Variants in PIN4 observed in about 807,000 individuals in gnomAD.
PIN4 encodes the protein peptidyl-prolyl cis-trans isomerase NIMA-interacting 4.
In PIN4, 3 loss-of-function variants were observed where a neutral mutation model predicts 8.3. The observed-to-expected ratio is 0.36, with a 90% CI of 0.16 to 0.93. The LOEUF (loss-of-function observed/expected upper bound fraction) is 0.93. Ranked by LOEUF, PIN4 falls within the 40% of genes least tolerant of loss-of-function variation. The probability of loss-of-function intolerance (pLI) is 0.44; values close to 1 mark genes in which losing one functional copy is unlikely to be tolerated. For missense variants in PIN4, 75 were observed against 100.6 expected, an observed-to-expected ratio of 0.75 and a Z score of 1.09; for synonymous variants, 18 against 32.5, an observed-to-expected ratio of 0.55 and a Z score of 1.52.
chrX:72,186,747 C>T (rs1349524418), intron 2 of PIN4, among the ~76,000 whole-genome samples: 1 of 110,924 alleles, frequency 9.0e-6, no homozygotes, highest in Non-Finnish European at 1.9e-5. Context: ...TGGTGAAACC[C>T]TGTCTCTACT....
At chrX:72,182,168 A>G (rs1234152743) in intron 1 of PIN4, among the ~76,000 whole-genome samples, 2 of 112,771 alleles carry the variant, frequency 1.8e-5, no homozygotes, top group Non-Finnish European at 3.7e-5. Flanking sequence ...ACAGAATGAC[A>G]TGCCCACCAT....
intron 3 of PIN4, among the ~76,000 whole-genome samples, chrX:72,209,478 A>G (rs980727030): frequency 1.6e-4 from 18 of 112,188 alleles, no homozygotes; most frequent in African/African-American, 5.8e-4. Flanking sequence ...TAGCCACCCA[A>G]ACTTCAAATC....
intron 1 of PIN4, 175 bp from the exon 2 acceptor site, chrX:72,186,286 T>C (rs926239586): frequency 5.9e-6 from 3 of 505,490 alleles, no homozygotes; most frequent in Non-Finnish European, 1.1e-5. Flanking sequence ...AGATAATTCT[T>C]CCATTGTGGC....
At chrX:72,245,436 C>T (rs2043064491) in intron 3 of PIN4, among the ~76,000 whole-genome samples, 1 of 111,890 alleles carries the variant, frequency 8.9e-6, no homozygotes, top group East Asian at 2.8e-4. Context: ...TCTCAAAGTG[C>T]TAGGATTACA....
intron 3 of PIN4, chrX:72,205,261 G>C: frequency 8.3e-7 from 1 of 1,211,875 alleles, no homozygotes; most frequent in Non-Finnish European, 1.1e-6. Context: ...GGTCTCTTGA[G>C]CTAGAGCACT....
At chrX:72,193,355 G>T (rs1602429383) in intron 2 of PIN4, among the ~76,000 whole-genome samples, 1 of 109,708 alleles carries the variant, frequency 9.1e-6, no homozygotes, top group Admixed American at 9.8e-5. Context: ...GCCTCAGGCA[G>T]GTCCTTCAGG....
intron 3 of PIN4, among the ~76,000 whole-genome samples, chrX:72,218,290 T>C (rs1322366291): frequency 1.9e-5 from 2 of 106,188 alleles, no homozygotes; most frequent in Non-Finnish European, 3.9e-5. Context: ...AAAAAATTAA[T>C]AATAGAGATG....
At chrX:72,202,307 A>G (rs1357605785), downstream of PIN4, among the ~76,000 whole-genome samples, 1 of 112,581 alleles carries the variant, frequency 8.9e-6, no homozygotes, top group Non-Finnish European at 1.9e-5. Flanking sequence ...TTCCCCAAAC[A>G]ACAGAATTTG....
At chrX:72,252,831 A>C (rs756004851) in intron 3 of PIN4, among the ~76,000 whole-genome samples, 2 of 112,073 alleles carry the variant, frequency 1.8e-5, no homozygotes, top group South Asian at 3.8e-4. Flanking sequence ...GCAGGGACAC[A>C]ACGCATGGTT....
At chrX:72,212,674 C>T (rs778194255) in intron 3 of PIN4, among the ~76,000 whole-genome samples, 3 of 112,264 alleles carry the variant, frequency 2.7e-5, no homozygotes, top group Non-Finnish European at 5.6e-5. Flanking sequence ...GGAGCGGTGG[C>T]TTGAGCCTCT....
At chrX:72,209,617 A>G (rs2042840909) in intron 3 of PIN4, among the ~76,000 whole-genome samples, 1 of 110,889 alleles carries the variant, frequency 9.0e-6, no homozygotes, top group Admixed American at 9.6e-5. Flanking sequence ...CCTTCTTTCC[A>G]TCTCTACTAC....
At chrX:72,244,033 A>C (rs971847876) in intron 3 of PIN4, among the ~76,000 whole-genome samples, 2 of 112,472 alleles carry the variant, frequency 1.8e-5, no homozygotes, top group African/African-American at 6.5e-5. Flanking sequence ...TGACAGGTGA[A>C]GAAAAGGATT....
At chrX:72,197,332 G>C in intron 3 of PIN4, 36 bp from the exon 4 acceptor site, 1 of 1,170,641 alleles carries the variant, frequency 8.5e-7, no homozygotes, top group Non-Finnish European at 1.2e-6. Flanking sequence ...CCCTCTTCTG[G>C]GCCACTTGAT....
intron 3 of PIN4, among the ~76,000 whole-genome samples, chrX:72,217,039 G>A (rs1282604931): frequency 1.8e-5 from 2 of 112,302 alleles, no homozygotes; most frequent in African/African-American, 6.5e-5. Flanking sequence ...CAGAAAAAAG[G>A]ATAATTTTGG....
chrX:72,224,918 C>A (rs2042945937), intron 3 of PIN4, among the ~76,000 whole-genome samples: 1 of 111,267 alleles, frequency 9.0e-6, no homozygotes. Context: ...TAATGGATTA[C>A]AGGGACTCAA....
intron 3 of PIN4, among the ~76,000 whole-genome samples, chrX:72,244,937 G>A (rs1334438044): frequency 1.9e-5 from 2 of 106,287 alleles, no homozygotes; most frequent in Non-Finnish European, 3.9e-5. Flanking sequence ...AGCTGTGTGT[G>A]GTGGTGTGTG....
intron 2 of PIN4, 35 bp from the exon 3 acceptor site, chrX:72,196,750 T>C (rs755030769): frequency 4.5e-5 from 53 of 1,175,062 alleles, no homozygotes; most frequent in Non-Finnish European, 5.9e-5. Flanking sequence ...CATTTGGGTC[T>C]CCAAGTATTA....
chrX:72,195,608 T>C (rs181159520), intron 2 of PIN4, among the ~76,000 whole-genome samples: 2,926 of 110,325 alleles, frequency 0.027, 124 homozygotes, highest in African/African-American at 0.09. Flanking sequence ...GCCACTGCAC[T>C]CCAGCCTGGG....
chrX:72,253,788 G>GAAAAC (rs990114518), intron 3 of PIN4, among the ~76,000 whole-genome samples: 8 of 106,745 alleles, frequency 7.5e-5, no homozygotes, highest in Admixed American at 2.0e-4. Flanking sequence ...AAAAACAAAA[G>GAAAAC]AAAACAAAAC....
Sources: gnomAD v4.1 joint callset for allele counts (sites outside exome capture counted in the v4.1 genomes callset) on GRCh38, gnomAD v4.1.1 for gene constraint, MANE v1.5 for transcripts, NCBI Gene and HGNC (gene_info 2026-07-23, HGNC 2026-07-21) for gene names.